The following DYNC2H1 variants were observed in gnomAD, a reference collection of about 807,000 sequenced individuals.
The protein encoded by DYNC2H1 is dynein cytoplasmic 2 heavy chain 1, also known as cytoplasmic dynein 2 heavy chain 1.
A neutral mutation model predicts 570.0 loss-of-function variants in DYNC2H1; 410 were observed. The ratio of observed to expected loss-of-function variants is 0.72; its 90% CI spans 0.66 to 0.78. The LOEUF (loss-of-function observed/expected upper bound fraction) is 0.78, where lower values mean the gene tolerates loss of function less well. Ranked by LOEUF, DYNC2H1 falls within the 30% of genes least tolerant of loss-of-function variation. The probability of loss-of-function intolerance (pLI) is 0.00; values close to 1 mark genes in which losing one functional copy is unlikely to be tolerated. For synonymous variants in DYNC2H1, 1,688 were observed against 1,677.6 expected, an observed-to-expected ratio of 1.01 and a Z score of -0.15; for missense variants, 4,865 against 5,046.4, an observed-to-expected ratio of 0.96 and a Z score of 1.09.
intron 47 of DYNC2H1, among the ~76,000 whole-genome samples, chr11:103,194,779 G>A (rs1188848513): frequency 2.0e-5 from 3 of 152,150 alleles, no homozygotes; most frequent in Admixed American, 6.5e-5. Flanking sequence ...GTGCAGTGGT[G>A]TAATCTCTGC....
chr11:103,368,922 T>G lies in DYNC2H1; in HGVS notation c.12156+10563T>G, dbSNP rs528059155. ...GGAATAAGATGGCAGAATAGAAGGC[T>G]CCACCAGTCACCCTCCCCTCTACCA... On this transcript the variant is annotated intron_variant, in intron 83 of 88. Coordinates refer to ENST00000375735, the MANE Select transcript of DYNC2H1 (RefSeq NM_001377.3). Among the ~76,000 whole-genome samples the G allele has an allele frequency of 2.6e-5, 4 of 152,210 alleles. No individual in the cohort carries two copies. The East Asian group carries it at 7.7e-4, about 29-fold the overall frequency.
At position 103,305,452 on chromosome 11, in the gene DYNC2H1, A is replaced by T. The variant is rs1867240463; in HGVS notation, c.11382+732A>T. ...GGGAAGCGTGGGGAAATTGAATTAGATGACTAGGAAAGAGCTAGGTTATGG... is the reference window on the plus strand; with the variant it reads ...GGGAAGCGTGGGGAAATTGAATTAGTTGACTAGGAAAGAGCTAGGTTATGG... On this transcript the variant is annotated intron_variant, in intron 77 of 88. Transcript: ENST00000375735. The surrounding 1 kb of genome is among the most constrained non-coding windows in gnomAD (Gnocchi z 4.3). 6.6e-6 allele frequency among the ~76,000 whole-genome samples: 1 copy of T among 152,186 alleles called. No individual in the cohort carries two copies. The highest frequency in any genetic ancestry group is 2.4e-5 in the African/African-American group (1 of 41,456).
intron 65 of DYNC2H1, 103 bp from the exon 66 acceptor site, chr11:103,253,182 C>A (rs953788656): frequency 8.1e-7 from 1 of 1,233,618 alleles, no homozygotes; most frequent in Non-Finnish European, 1.1e-6. Flanking sequence ...TAGACTCTGT[C>A]GAAAAGCCTA....
chr11:103,394,994 C>T (rs1050682717), intron 83 of DYNC2H1, among the ~76,000 whole-genome samples: 5 of 152,058 alleles, frequency 3.3e-5, no homozygotes, highest in Non-Finnish European at 7.4e-5. Flanking sequence ...CCCTACCCTC[C>T]TCTTTCCACA....
In DYNC2H1 at chr11:103,334,244, C is replaced by T. The variant is rs909723402; in HGVS notation, c.12039+10254C>T. On this transcript the variant is annotated intron_variant, in intron 82 of 88. Transcript: ENST00000375735. This position sits in a 1 kb window ranked among gnomAD's most constrained non-coding sequence, Gnocchi z 4.3. ...ACACAATAATCTATTCTAGTCTCTTCACCAGGTAGCTGTGTGACTAGTAAA... is the reference window on the plus strand; with the variant it reads ...ACACAATAATCTATTCTAGTCTCTTTACCAGGTAGCTGTGTGACTAGTAAA... Among the ~76,000 whole-genome samples, 3 of 152,134 alleles carry T rather than the reference C, an allele frequency of 2.0e-5. No individual in the cohort carries two copies. Among genetic ancestry groups the T allele is most frequent in the Non-Finnish European group, 4.4e-5 (3 of 68,004 alleles).
At chr11:103,162,452 T>C (rs1861136250) in intron 29 of DYNC2H1, among the ~76,000 whole-genome samples, 1 of 152,222 alleles carries the variant, frequency 6.6e-6, no homozygotes, top group African/African-American at 2.4e-5. Context: ...TATTATTTTA[T>C]ATATAATCAA....
rs1029362764 is a variant in DYNC2H1 at position 103,181,956 on chromosome 11, C to T, written c.6477+70C>T. The T allele has an allele frequency of 6.6e-7, 1 of 1,512,936 alleles. No individual in the cohort carries two copies. Among genetic ancestry groups the T allele is most frequent in the South Asian group, 1.3e-5 (1 of 79,080 alleles). The allele number at this position is 1,512,936 out of a possible 1,614,324, so 93.7% of individuals were successfully genotyped here. ...TGATTAAGAGTGATGCTTATTTTAA[C>T]TTCCTTGTGGTAGAACTCTGCTGGA... is the stretch of plus-strand genomic sequence containing the variant. On this transcript the variant is annotated intron_variant, in intron 40 of 88. Coordinates refer to ENST00000375735, the MANE Select transcript of DYNC2H1 (RefSeq NM_001377.3). The surrounding 1 kb of genome is among the most constrained non-coding windows in gnomAD (Gnocchi z 5.0).
chr11:103,113,817 A>C, intron 2 of DYNC2H1, 110 bp downstream of exon 2: 1 of 940,640 alleles, frequency 1.1e-6, no homozygotes, highest in Non-Finnish European at 1.5e-6. Context: ...TTTAATTTTA[A>C]TTAAAATATC....
Position 103,325,223 on chromosome 11 carries a change from T to A in DYNC2H1, c.12039+1233T>A, listed in dbSNP as rs931015829. ...CAGAAGCTCTTTAGTTAGGTCTCATTTGACAATTTTTGTTTGGGTTGCAAT... is the reference window on the plus strand; with the variant it reads ...CAGAAGCTCTTTAGTTAGGTCTCATATGACAATTTTTGTTTGGGTTGCAAT... On this transcript the variant is annotated intron_variant, in intron 82 of 88. Transcript: ENST00000375735. This position sits in a 1 kb window ranked among gnomAD's most constrained non-coding sequence, Gnocchi z 4.8. Among the ~76,000 whole-genome samples, 1 of 152,222 alleles carries A rather than the reference T, an allele frequency of 6.6e-6. No homozygotes were observed. The highest frequency in any genetic ancestry group is 1.5e-5 in the Non-Finnish European group (1 of 68,034).
chr11:103,274,542 T>G (rs1269699434), intron 70 of DYNC2H1, among the ~76,000 whole-genome samples: 1 of 152,198 alleles, frequency 6.6e-6, no homozygotes, highest in Non-Finnish European at 1.5e-5. Context: ...TAAAGATTCA[T>G]TAATTTATAA....
At chr11:103,231,206 T>G in intron 59 of DYNC2H1, 54 bp from the exon 60 acceptor site, 1 of 1,122,498 alleles carries the variant, frequency 8.9e-7, no homozygotes, top group Non-Finnish European at 1.3e-6. Context: ...TGCTGCTGCT[T>G]TATAGTTGAT....
chr11:103,214,602 C>G (rs1863304613), intron 54 of DYNC2H1, among the ~76,000 whole-genome samples: 7 of 151,620 alleles, frequency 4.6e-5, no homozygotes, highest in Admixed American at 4.6e-4. Context: ...TGCCACCATG[C>G]CTGGCTAATT....
At chr11:103,226,680 G>A (rs1212521054) in intron 59 of DYNC2H1, among the ~76,000 whole-genome samples, 1 of 151,978 alleles carries the variant, frequency 6.6e-6, no homozygotes, top group South Asian at 2.1e-4. Flanking sequence ...TTCTTATTTT[G>A]TTATGTCCTT....
chr11:103,467,797 A>G (rs1360475397), intron 87 of DYNC2H1, among the ~76,000 whole-genome samples: 3 of 152,216 alleles, frequency 2.0e-5, no homozygotes, highest in African/African-American at 4.8e-5. Context: ...TCAGCCTCCC[A>G]AAGTGCTGGG....
At chr11:103,142,885 C>G (rs1328313365) in intron 17 of DYNC2H1, among the ~76,000 whole-genome samples, 1 of 152,160 alleles carries the variant, frequency 6.6e-6, no homozygotes, top group Admixed American at 6.5e-5. Context: ...TGACCAGTTT[C>G]TTAACTGCCA....
chr11:103,126,694 T>C (rs998064531), intron 12 of DYNC2H1, among the ~76,000 whole-genome samples: 1 of 150,588 alleles, frequency 6.6e-6, no homozygotes, highest in Non-Finnish European at 1.5e-5. Context: ...TGGAGTGCAG[T>C]GGTGCCATCT....
chr11:103,251,055 G>A (rs1277718495), intron 65 of DYNC2H1, among the ~76,000 whole-genome samples: 1 of 151,906 alleles, frequency 6.6e-6, no homozygotes, highest in Non-Finnish European at 1.5e-5. Context: ...TGTCAAGTTT[G>A]TTAATTGTGA....
intron 75 of DYNC2H1, among the ~76,000 whole-genome samples, chr11:103,294,212 A>G (rs11501362): frequency 0.17 from 25,150 of 152,132 alleles, 2,267 homozygotes; most frequent in Admixed American, 0.25. Context: ...GGTGACTGGT[A>G]CCTTATTTAG....
At chr11:103,384,543 CTAA>C (rs1941797706) in intron 83 of DYNC2H1, among the ~76,000 whole-genome samples, 1 of 151,714 alleles carries the variant, frequency 6.6e-6, no homozygotes, top group Non-Finnish European at 1.5e-5. Flanking sequence ...TGATTATTTT[CTAA>C]TGTTTCTTTT....
Sources: allele counts gnomAD v4.1 joint callset (sites outside exome capture counted in the v4.1 genomes callset), GRCh38; gene constraint gnomAD v4.1.1; non-coding constraint Gnocchi (gnomAD v3.1); transcripts MANE v1.5; gene names NCBI Gene and HGNC (gene_info 2026-07-23, HGNC 2026-07-21).